Variants in JAZF1 observed in about 807,000 individuals in gnomAD.
JAZF1 encodes the protein juxtaposed with another zinc finger protein 1.
JAZF1 carries 8 observed loss-of-function variants against 26.4 expected under a neutral mutation model. The observed-to-expected ratio is 0.30, with a 90% CI of 0.18 to 0.55. The LOEUF is 0.55. Among genes scored for constraint, JAZF1 ranks in the 20% least tolerant of loss-of-function variants. JAZF1 has a pLI of 0.94. For missense variants in JAZF1, 199 were observed against 322.0 expected, an observed-to-expected ratio of 0.62 and a Z score of 2.92; for synonymous variants, 126 against 122.3, an observed-to-expected ratio of 1.03 and a Z score of -0.20.
At chr7:27,973,696 C>T (rs1449722298) in intron 2 of JAZF1, among the ~76,000 whole-genome samples, 1 of 152,192 alleles carries the variant, frequency 6.6e-6, no homozygotes, top group Admixed American at 6.5e-5. Flanking sequence ...TGTTAAATGT[C>T]CATCTTGAAG....
At chr7:27,882,337 A>C (rs926942889) in intron 3 of JAZF1, among the ~76,000 whole-genome samples, 5 of 152,252 alleles carry the variant, frequency 3.3e-5, no homozygotes, top group Admixed American at 2.0e-4. Context: ...AAAACAAAAA[A>C]CAAAAACTTA....
chr7:27,872,503 C>T (rs12154776), intron 3 of JAZF1, among the ~76,000 whole-genome samples: 5 of 152,026 alleles, frequency 3.3e-5, no homozygotes, highest in African/African-American at 7.3e-5. Flanking sequence ...CGCGGGTATA[C>T]GGCTGAGAAA....
chr7:27,926,262 G>C (rs1182254859), intron 2 of JAZF1, among the ~76,000 whole-genome samples: 1 of 152,150 alleles, frequency 6.6e-6, no homozygotes, highest in Non-Finnish European at 1.5e-5. Flanking sequence ...CCCACATAAG[G>C]ATCTACCATG....
chr7:27,976,387 GA>G (rs1286816306), intron 2 of JAZF1, among the ~76,000 whole-genome samples: 13 of 132,210 alleles, frequency 9.8e-5, no homozygotes, highest in Non-Finnish European at 5.3e-5. Context: ...GGTCTTTCTG[GA>G]ACACAATGAG....
At chr7:27,954,728 T>C (rs945027168) in intron 2 of JAZF1, among the ~76,000 whole-genome samples, 38 of 152,018 alleles carry the variant, frequency 2.5e-4, no homozygotes, top group Admixed American at 2.1e-3. Flanking sequence ...TCTCTAAGCA[T>C]CACATTTGAT....
At chr7:28,011,749 C>T (rs1222774098) in intron 1 of JAZF1, among the ~76,000 whole-genome samples, 1 of 152,134 alleles carries the variant, frequency 6.6e-6, no homozygotes, top group Non-Finnish European at 1.5e-5. Flanking sequence ...CATGGGCCCT[C>T]ATAAAAAATG....
At chr7:28,143,738 T>C (rs1257017608) in intron 1 of JAZF1, among the ~76,000 whole-genome samples, 2 of 152,242 alleles carry the variant, frequency 1.3e-5, no homozygotes, top group African/African-American at 4.8e-5. Context: ...TTATGGTATA[T>C]TCTTTTCATC....
chr7:28,105,581 G>A (rs1002717839), intron 1 of JAZF1, among the ~76,000 whole-genome samples: 1 of 152,126 alleles, frequency 6.6e-6, no homozygotes, highest in Non-Finnish European at 1.5e-5. Flanking sequence ...ACACCCTAAG[G>A]CTCCTTTAGA....
intron 1 of JAZF1, among the ~76,000 whole-genome samples, chr7:28,162,130 T>C (rs1355768992): frequency 6.6e-6 from 1 of 152,226 alleles, no homozygotes; most frequent in African/African-American, 2.4e-5. Flanking sequence ...GGCTCACTTA[T>C]TTGGTCCAAG....
At chr7:28,094,790 C>T (rs1784357191) in intron 1 of JAZF1, among the ~76,000 whole-genome samples, 1 of 152,076 alleles carries the variant, frequency 6.6e-6, no homozygotes, top group African/African-American at 2.4e-5. Context: ...GCCAGCTCAG[C>T]CCCACCCTGT....
chr7:27,859,867 T>TA (rs936422944), intron 3 of JAZF1, among the ~76,000 whole-genome samples: 1 of 152,036 alleles, frequency 6.6e-6, no homozygotes, highest in African/African-American at 2.4e-5. Flanking sequence ...TAAAGTATAA[T>TA]AAAAAAAGAA....
intron 3 of JAZF1, among the ~76,000 whole-genome samples, chr7:27,871,027 T>A (rs980497743): frequency 1.3e-5 from 2 of 152,200 alleles, no homozygotes; most frequent in African/African-American, 4.8e-5. Context: ...GTTTCATGAA[T>A]AGAGGAAGAA....
intron 1 of JAZF1, among the ~76,000 whole-genome samples, chr7:28,174,754 CAG>C (rs1271141755): frequency 1.5e-5 from 1 of 68,106 alleles, no homozygotes; most frequent in Non-Finnish European, 5.6e-5. Context: ...CCAGTGAAAA[CAG>C]AGTTTTGGAG....
chr7:27,913,232 TATAC>T (rs1431046489), intron 2 of JAZF1, among the ~76,000 whole-genome samples: 2 of 149,312 alleles, frequency 1.3e-5, no homozygotes, highest in African/African-American at 4.9e-5. Flanking sequence ...TATATATGTA[TATAC>T]ATAGATATTT....
intron 1 of JAZF1, among the ~76,000 whole-genome samples, chr7:28,159,200 A>C (rs1783239621): frequency 6.6e-6 from 1 of 152,080 alleles, no homozygotes; most frequent in Non-Finnish European, 1.5e-5. Flanking sequence ...CGAATAGATG[A>C]GACTTAGATG....
intron 1 of JAZF1, among the ~76,000 whole-genome samples, chr7:28,054,744 G>A (rs893186616): frequency 9.9e-5 from 15 of 152,194 alleles, no homozygotes; most frequent in Admixed American, 4.6e-4. Context: ...AGGTGCAGAC[G>A]CTGGTAGACA....
chr7:28,074,938 C>T (rs1425824922), intron 1 of JAZF1, among the ~76,000 whole-genome samples: 1 of 152,136 alleles, frequency 6.6e-6, no homozygotes, highest in Non-Finnish European at 1.5e-5. Flanking sequence ...ACAATAACAA[C>T]TACTCCTGAA....
chr7:28,010,842 C>A (rs1440513439), intron 1 of JAZF1, among the ~76,000 whole-genome samples: 2 of 152,216 alleles, frequency 1.3e-5, no homozygotes, highest in South Asian at 2.1e-4. Context: ...AACGACATCA[C>A]AACTGCATGC....
intron 1 of JAZF1, among the ~76,000 whole-genome samples, chr7:28,140,273 G>A (rs1013865411): frequency 6.6e-6 from 1 of 151,862 alleles, no homozygotes; most frequent in African/African-American, 2.4e-5. Flanking sequence ...AGTAGAGATG[G>A]GGTTTTACCA....
Sources: gnomAD v4.1 joint callset for allele counts (sites outside exome capture counted in the v4.1 genomes callset) on GRCh38, gnomAD v4.1.1 for gene constraint, MANE v1.5 for transcripts, NCBI Gene and HGNC (gene_info 2026-07-23, HGNC 2026-07-21) for gene names.